The following ERC2 variants were observed in gnomAD, a reference collection of about 807,000 sequenced individuals.
The protein encoded by ERC2 is ELKS/RAB6-interacting/CAST family member 2.
In ERC2, 42 loss-of-function variants were observed where a neutral mutation model predicts 114.8. The observed-to-expected ratio is 0.37, with a 90% CI of 0.29 to 0.47. The LOEUF is 0.47. Among genes scored for constraint, ERC2 ranks in the 20% least tolerant of loss-of-function variants. The pLI, the probability that ERC2 is intolerant of heterozygous loss-of-function variation, is 0.99. For missense variants in ERC2, 939 were observed against 1,150.7 expected (o/e 0.82, Z 2.66); for synonymous variants, 454 against 425.5 (o/e 1.07, Z -0.82).
chr3:56,207,477 C>T (rs2048810754), intron 3 of ERC2, among the ~76,000 whole-genome samples: 1 of 152,000 alleles, frequency 6.6e-6, no homozygotes, highest in African/African-American at 2.4e-5. Context: ...AAGCTTAGTT[C>T]TGCCTCTTTC....
rs1287034761 is a variant in ERC2 at position 56,244,323 on chromosome 3, C to T, written c.1074+51696G>A. Among the ~76,000 whole-genome samples, 22 of 152,242 alleles carry T rather than the reference C, an allele frequency of 1.4e-4. No individual in the cohort carries two copies. In the East Asian group the frequency reaches 3.9e-3, roughly 27 times the overall value. ...ATTATTTAGCAATGATAATAAATGACTATGTTACTGGTTTATCTATTTACT... is the reference window on the plus strand; with the variant it reads ...ATTATTTAGCAATGATAATAAATGATTATGTTACTGGTTTATCTATTTACT... On this transcript the variant is annotated intron_variant, in intron 3 of 17. Transcript: ENST00000288221.
At chr3:55,621,164 C>T (rs1234463731) in intron 17 of ERC2, among the ~76,000 whole-genome samples, 1 of 152,092 alleles carries the variant, frequency 6.6e-6, no homozygotes, top group African/African-American at 2.4e-5. Flanking sequence ...GCCCCCCCTC[C>T]AGCCAGAGTT....
chr3:55,530,429 G>C (rs974822061), intron 17 of ERC2, among the ~76,000 whole-genome samples: 1 of 151,372 alleles, frequency 6.6e-6, no homozygotes, highest in Non-Finnish European at 1.5e-5. Context: ...GGCTGCAGTC[G>C]GCTGGCTCCT....
chr3:56,118,524 C>T (rs1202969265), intron 6 of ERC2, among the ~76,000 whole-genome samples: 2 of 152,074 alleles, frequency 1.3e-5, no homozygotes, highest in Non-Finnish European at 2.9e-5. Context: ...ATATTATGTG[C>T]CAGGCACCAA....
At chr3:55,763,750 A>G (rs895814558) in intron 14 of ERC2, among the ~76,000 whole-genome samples, 2 of 152,230 alleles carry the variant, frequency 1.3e-5, no homozygotes, top group Non-Finnish European at 2.9e-5. Flanking sequence ...CGAAAATTTA[A>G]TAAATGTGTC....
At chr3:55,994,643 T>TC (rs2071352365) in intron 10 of ERC2, among the ~76,000 whole-genome samples, 1 of 39,668 alleles carries the variant, frequency 2.5e-5, no homozygotes, top group Non-Finnish European at 4.7e-5. Flanking sequence ...TACTACATAC[T>TC]CCCTAAAAAA....
chr3:55,835,081 C>G (rs1254349022), intron 14 of ERC2, among the ~76,000 whole-genome samples: 1 of 151,980 alleles, frequency 6.6e-6, no homozygotes, highest in Non-Finnish European at 1.5e-5. Flanking sequence ...AGACCAATAA[C>G]AGGCTCTGAA....
At chr3:56,396,424 G>C (rs2060308106) in intron 2 of ERC2, among the ~76,000 whole-genome samples, 1 of 152,138 alleles carries the variant, frequency 6.6e-6, no homozygotes, top group Non-Finnish European at 1.5e-5. Context: ...TTCAGCCTGG[G>C]CAACAAAGCA....
chr3:56,072,800 TGAGTG>T (rs2076801153), intron 7 of ERC2, among the ~76,000 whole-genome samples: 3 of 152,188 alleles, frequency 2.0e-5, no homozygotes, highest in African/African-American at 7.2e-5. Flanking sequence ...AAATTTAAAC[TGAGTG>T]TTATCTGCTG....
intron 14 of ERC2, among the ~76,000 whole-genome samples, chr3:55,876,443 T>A (rs1391851640): frequency 6.6e-6 from 1 of 152,230 alleles, no homozygotes; most frequent in East Asian, 1.9e-4. Flanking sequence ...AGTGTTCTCA[T>A]TTCTCTTCTA....
intron 3 of ERC2, among the ~76,000 whole-genome samples, chr3:56,187,566 A>T (rs2083700953): frequency 6.6e-6 from 1 of 152,216 alleles, no homozygotes; most frequent in Non-Finnish European, 1.5e-5. Context: ...AAATTAATTA[A>T]GCATCTACTA....
chr3:56,389,789 G>A (rs1159047620), intron 2 of ERC2, among the ~76,000 whole-genome samples: 1 of 152,146 alleles, frequency 6.6e-6, no homozygotes, highest in Non-Finnish European at 1.5e-5. Flanking sequence ...ACCCATAGAT[G>A]TCATTCTCTG....
chr3:56,009,647 A>G (rs569424511), intron 9 of ERC2, among the ~76,000 whole-genome samples: 15 of 152,138 alleles, frequency 9.9e-5, no homozygotes, highest in African/African-American at 3.6e-4. Context: ...GGCCAATTGC[A>G]GGCAATCTCC....
rs144269768 is a variant in ERC2, at chr3:56,140,585, T to C, written c.1306-909A>G. Among the ~76,000 whole-genome samples, 791 of 152,280 alleles carry C rather than the reference T, an allele frequency of 5.2e-3. 6 individuals carry two copies. Among genetic ancestry groups the C allele is most frequent in the Non-Finnish European group, 6.9e-3 (469 of 68,014 alleles). On this transcript the variant is annotated intron_variant, in intron 5 of 17. Coordinates refer to ENST00000288221, the MANE Select transcript of ERC2 (RefSeq NM_015576.3). ...TGCCCACTCTGCTGTTGATAGAAAT[T>C]CGGTTCTGTTCTTAGGTTTTTTGCT...
intron 1 of ERC2, among the ~76,000 whole-genome samples, chr3:56,459,472 C>T (rs1207372346): frequency 6.6e-6 from 1 of 152,150 alleles, no homozygotes; most frequent in Admixed American, 6.5e-5. Flanking sequence ...AGAATGACAA[C>T]TACCTTTAGG....
chr3:56,227,725 C>A (rs2050343962), intron 3 of ERC2, among the ~76,000 whole-genome samples: 1 of 152,192 alleles, frequency 6.6e-6, no homozygotes, highest in Admixed American at 6.5e-5. Context: ...AGGAAAACCA[C>A]TGGGAAAACG....
chr3:55,821,585 A>G (rs1469866860), intron 14 of ERC2, among the ~76,000 whole-genome samples: 4 of 152,268 alleles, frequency 2.6e-5, no homozygotes, highest in African/African-American at 9.6e-5. Flanking sequence ...AAAACTTGAG[A>G]GAACACCAGG....
rs145189110 is a variant in ERC2, at chr3:55,623,713, A to G, written c.*39+60081T>C. On this transcript the variant is annotated intron_variant, in intron 17 of 17. Coordinates refer to ENST00000288221, the MANE Select transcript of ERC2 (RefSeq NM_015576.3). ...GCTCTGTTTAAAATAGCCAATCAGA[A>G]TTAGCTTAGACTGAGCAGTCCAACC... 8.4e-3 allele frequency among the ~76,000 whole-genome samples: 1,280 copies of G among 152,294 alleles called. 16 individuals are homozygous for G. The highest frequency in any genetic ancestry group is 0.028 in the African/African-American group (1,167 of 41,564).
intron 2 of ERC2, among the ~76,000 whole-genome samples, chr3:56,384,629 C>A (rs1036378007): frequency 1.3e-5 from 2 of 152,104 alleles, no homozygotes; most frequent in African/African-American, 4.8e-5. Context: ...ATATGATTTG[C>A]AAATATTTTC....
Sources: gnomAD v4.1 joint callset for allele counts (sites outside exome capture counted in the v4.1 genomes callset) on GRCh38, gnomAD v4.1.1 for gene constraint, MANE v1.5 for transcripts, NCBI Gene and HGNC (gene_info 2026-07-23, HGNC 2026-07-21) for gene names.